Variants in ARHGEF11 observed in about 807,000 individuals in gnomAD.
The protein encoded by ARHGEF11 is Rho guanine nucleotide exchange factor 11.
ARHGEF11 carries 55 observed loss-of-function variants against 193.7 expected under a neutral mutation model. That is an observed-to-expected ratio of 0.28 (90% CI 0.23 to 0.36). ARHGEF11 has a LOEUF of 0.36. ARHGEF11 is among the 10% of genes least tolerant of loss of function. The pLI, the probability that ARHGEF11 is intolerant of heterozygous loss-of-function variation, is 1.00. For missense variants in ARHGEF11, 1,723 were observed against 2,005.6 expected (o/e 0.86, Z 2.69); for synonymous variants, 693 against 768.0 (o/e 0.90, Z 1.62).
At chr1:157,046,735 A>T (rs1036545307), upstream of ARHGEF11, among the ~76,000 whole-genome samples, 1 of 152,258 alleles carries the variant, frequency 6.6e-6, no homozygotes, top group African/African-American at 2.4e-5. Context: ...GTAACGTGAC[A>T]TTTGTCAGAA....
Position 156,937,656 on chromosome 1 carries a change from C to T in ARHGEF11, c.4193-160G>A, listed in dbSNP as rs115538043. On this transcript the variant is annotated intron_variant, in intron 38 of 40. Coordinates refer to ENST00000368194, the MANE Select transcript of ARHGEF11 (RefSeq NM_198236.3). ...GGCCTTGCTCACTGTCTGCCAGCCCCCTAAAAGCCCTGCTCCCGAGACCTT... is the reference window on the plus strand; with the variant it reads ...GGCCTTGCTCACTGTCTGCCAGCCCTCTAAAAGCCCTGCTCCCGAGACCTT... 4.4e-3 allele frequency among the ~76,000 whole-genome samples: 671 copies of T among 152,298 alleles called. 3 individuals carry two copies. The highest frequency in any genetic ancestry group is 0.015 in the African/African-American group (625 of 41,556).
intron 1 of ARHGEF11, 43 bp downstream of exon 1, chr1:157,044,256 T>C (rs1359539149): frequency 1.3e-6 from 2 of 1,592,194 alleles, no homozygotes; most frequent in African/African-American, 1.3e-5. Flanking sequence ...TCCCAGTCTT[T>C]CCTTTAGTCA....
chr1:156,942,819 G>A, intron 32 of ARHGEF11, 39 bp from the exon 33 acceptor site: 1 of 1,569,698 alleles, frequency 6.4e-7, no homozygotes, highest in Non-Finnish European at 8.8e-7. Context: ...CTGTACTAGG[G>A]ATGGCAGGTG....
chr1:157,001,509 C>G (rs1053740784), intron 1 of ARHGEF11, among the ~76,000 whole-genome samples: 1 of 152,208 alleles, frequency 6.6e-6, no homozygotes, highest in African/African-American at 2.4e-5. Flanking sequence ...ACATTAGCCA[C>G]TGTGTTTATG....
chr1:156,991,599 C>T (rs1256413834), intron 1 of ARHGEF11, among the ~76,000 whole-genome samples: 1 of 152,000 alleles, frequency 6.6e-6, no homozygotes, highest in African/African-American at 2.4e-5. Context: ...GGATTACAGG[C>T]GTGAGCCACT....
At chr1:156,940,503 G>T in intron 35 of ARHGEF11, 78 bp from the exon 36 acceptor site, 1 of 1,348,580 alleles carries the variant, frequency 7.4e-7, no homozygotes, top group Non-Finnish European at 1.0e-6. Context: ...CAGCTTTGGA[G>T]CCAAGGGGCT....
At chr1:156,946,898 T>A (rs757884626) in intron 27 of ARHGEF11, 38 bp downstream of exon 27, 2 of 1,613,398 alleles carry the variant, frequency 1.2e-6, no homozygotes, top group Middle Eastern at 1.8e-4. Flanking sequence ...CCTCCCCCAA[T>A]CTCCTCCTTG....
At chr1:156,966,142 G>C (rs1001313936) in intron 11 of ARHGEF11, among the ~76,000 whole-genome samples, 1 of 152,198 alleles carries the variant, frequency 6.6e-6, no homozygotes, top group African/African-American at 2.4e-5. Flanking sequence ...ACCAAAGAGA[G>C]CTCAGTGAGT....
intron 1 of ARHGEF11, among the ~76,000 whole-genome samples, chr1:157,018,316 A>G (rs964147996): frequency 2.0e-5 from 3 of 152,172 alleles, no homozygotes; most frequent in Admixed American, 6.6e-5. Flanking sequence ...ACTTTTACAG[A>G]AACTGACAAA....
At chr1:156,963,429 T>C in intron 12 of ARHGEF11, 91 bp downstream of exon 12, 1 of 1,518,906 alleles carries the variant, frequency 6.6e-7, no homozygotes, top group Non-Finnish European at 9.1e-7. Context: ...CAAGTTCCCT[T>C]CACAGCTGAT....
chr1:156,941,734 AG>A lies in ARHGEF11; in HGVS notation c.3452+129del. On this transcript the variant is annotated intron_variant, in intron 34 of 40. Coordinates refer to ENST00000368194, the MANE Select transcript of ARHGEF11 (RefSeq NM_198236.3). ...TGTTCCTCCATCTGCCAGCACTTGG[AG>A]CTGTCTGCTCCCTGCTAGCATTTCC... 6 of 1,358,388 alleles carry A rather than the reference AG, an allele frequency of 4.4e-6. No homozygotes were observed. In the South Asian group the frequency reaches 8.3e-5, roughly 19 times the overall value. The allele number at this position is 1,358,388 out of a possible 1,614,324, so 84.1% of individuals were successfully genotyped here. A position where few individuals can be genotyped will look rare whatever the true frequency, so the allele number is the denominator to read the frequency against.
intron 1 of ARHGEF11, among the ~76,000 whole-genome samples, chr1:157,039,089 TC>T (rs1168767104): frequency 6.6e-6 from 1 of 152,164 alleles, no homozygotes; most frequent in Admixed American, 6.5e-5. Context: ...ATTTCTCAGT[TC>T]CTCCCCATGT....
At chr1:156,962,908 A>C (rs528019490) in intron 13 of ARHGEF11, among the ~76,000 whole-genome samples, 15 of 146,036 alleles carry the variant, frequency 1.0e-4, no homozygotes, top group East Asian at 2.1e-4. Flanking sequence ...AAAAAAAAAA[A>C]CTCTAGGAAG....
chr1:156,960,354 C>T (rs1660651363), intron 15 of ARHGEF11, 64 bp downstream of exon 15: 1 of 1,519,080 alleles, frequency 6.6e-7, no homozygotes, highest in Admixed American at 1.7e-5. Flanking sequence ...CCTCTGGAGC[C>T]TCCTGAGAGC....
intron 1 of ARHGEF11, among the ~76,000 whole-genome samples, chr1:157,017,706 CAAAAAAAAAAA>C (rs1047573559): frequency 1.2e-4 from 5 of 41,544 alleles, no homozygotes; most frequent in East Asian, 1.1e-3. Context: ...GACTCCGTCT[CAAAAAAAAAAA>C]AAAAAAAAAA....
At chr1:157,018,775 G>A (rs999924199) in intron 1 of ARHGEF11, among the ~76,000 whole-genome samples, 1 of 152,208 alleles carries the variant, frequency 6.6e-6, no homozygotes, top group Non-Finnish European at 1.5e-5. Flanking sequence ...AATCAAATCA[G>A]TGTGTTTTTG....
chr1:157,042,391 C>T (rs115068049), intron 1 of ARHGEF11, among the ~76,000 whole-genome samples: 1,944 of 152,194 alleles, frequency 0.013, 38 homozygotes, highest in African/African-American at 0.044. Flanking sequence ...AGGACCAGTA[C>T]AGAAGCCTAG....
chr1:156,936,497 A>ATATATATATATAT (rs1553192805), intron 40 of ARHGEF11, among the ~76,000 whole-genome samples: 28 of 33,926 alleles, frequency 8.3e-4, no homozygotes, highest in Non-Finnish European at 9.7e-4. Flanking sequence ...AAAAAAAAAA[A>ATATATATATATAT]ATATATATAT....
At chr1:156,960,534 G>A in intron 14 of ARHGEF11, 74 bp from the exon 15 acceptor site, 1 of 1,454,990 alleles carries the variant, frequency 6.9e-7, no homozygotes, top group Non-Finnish European at 9.6e-7. Flanking sequence ...TGCAAGGCGA[G>A]GAGGGCTTGG....
Sources: allele counts gnomAD v4.1 joint callset (sites outside exome capture counted in the v4.1 genomes callset), GRCh38; gene constraint gnomAD v4.1.1; transcripts MANE v1.5; gene names NCBI Gene and HGNC (gene_info 2026-07-23, HGNC 2026-07-21).